Variants in MYCBP2 observed in about 807,000 individuals in gnomAD.
The protein encoded by MYCBP2 is E3 ubiquitin-protein ligase MYCBP2.
Under a neutral mutation model 525.3 loss-of-function variants are expected in MYCBP2, and 120 were observed. That is an observed-to-expected ratio of 0.23 (90% CI 0.20 to 0.27). MYCBP2 has a LOEUF of 0.27. Among genes scored for constraint, MYCBP2 ranks in the 10% least tolerant of loss-of-function variants. The pLI is 1.00. For missense variants in MYCBP2, 4,149 were observed against 5,657.1 expected, an observed-to-expected ratio of 0.73 and a Z score of 8.55; for synonymous variants, 1,894 against 1,955.8, an observed-to-expected ratio of 0.97 and a Z score of 0.83.
At chr13:77,069,797 G>A (rs2040853136) in intron 69 of MYCBP2, among the ~76,000 whole-genome samples, 1 of 151,770 alleles carries the variant, frequency 6.6e-6, no homozygotes, top group Admixed American at 6.6e-5. Flanking sequence ...GAACCCAGGA[G>A]GCGGAGCTTG....
chr13:77,223,744 C>G (rs2065897664), intron 20 of MYCBP2, among the ~76,000 whole-genome samples: 1 of 152,078 alleles, frequency 6.6e-6, no homozygotes, highest in Admixed American at 6.6e-5. Context: ...TTCCAGCCAG[C>G]AAGCTGGGAA....
chr13:77,302,049 C>G (rs547085302), intron 1 of MYCBP2, among the ~76,000 whole-genome samples: 2 of 151,756 alleles, frequency 1.3e-5, no homozygotes, highest in Non-Finnish European at 2.9e-5. Context: ...AAACAGAGAA[C>G]GAGACATGTG....
Position 77,081,940 on chromosome 13 carries a change from T to C in MYCBP2, c.11090A>G (p.Asn3697Ser), listed in dbSNP as rs1404710845. 1 of 1,613,552 alleles carries C rather than the reference T, an allele frequency of 6.2e-7. No individual in the cohort carries two copies. Residue 3697 changes from asparagine (N) to serine (S), a missense_variant, in exon 64 of 83, where the codon AAC (asparagine) becomes AGC (serine). This residue lies in a region of MYCBP2 where 509 missense variants were observed against 789.4 expected (regional missense o/e 0.64). Transcript: ENST00000544440. This position sits in a 1 kb window ranked among gnomAD's most constrained non-coding sequence, Gnocchi z 4.6. ...QSDHQFLHQS[N>S]VFHHINNILS... ...AATATTGTTAATGTGATGAAAGACG[T>C]TGCTCTGATGAAGGAACTGGTGATC...
Position 77,198,669 on chromosome 13 carries a change from C to T in MYCBP2, c.3844-4425G>A, listed in dbSNP as rs1042774278. On this transcript the variant is annotated intron_variant, in intron 26 of 82. Transcript: ENST00000544440. ...GATAATTTGTTGGCCCTTTTGGATA[C>T]GAATAGGTGTGGTAACATATGACTC... Among the ~76,000 whole-genome samples, 12 of 152,138 alleles carry T rather than the reference C, an allele frequency of 7.9e-5. 1 individual carries two copies. Among genetic ancestry groups the T allele is most frequent in the East Asian group, 1.9e-4 (1 of 5,202 alleles).
chr13:77,233,656 T>C (rs2067455783), intron 17 of MYCBP2, among the ~76,000 whole-genome samples: 1 of 152,038 alleles, frequency 6.6e-6, no homozygotes, highest in Non-Finnish European at 1.5e-5. Context: ...ATCTTTTCCA[T>C]TGAAACATAA....
At chr13:77,147,523 A>G (rs1334321599) in intron 47 of MYCBP2, among the ~76,000 whole-genome samples, 1 of 152,082 alleles carries the variant, frequency 6.6e-6, no homozygotes, top group Non-Finnish European at 1.5e-5. Context: ...CTCCTCCTGT[A>G]CTTACAGTAA....
At chr13:77,120,274 A>G (rs903364669) in intron 55 of MYCBP2, among the ~76,000 whole-genome samples, 1 of 152,194 alleles carries the variant, frequency 6.6e-6, no homozygotes, top group Non-Finnish European at 1.5e-5. Flanking sequence ...GAAATCAGGT[A>G]CCCGAAGTAA....
At chr13:77,270,937 C>G (rs748898205) in intron 5 of MYCBP2, among the ~76,000 whole-genome samples, 4 of 151,788 alleles carry the variant, frequency 2.6e-5, no homozygotes, top group Non-Finnish European at 5.9e-5. Flanking sequence ...TCCTCTTTAT[C>G]TTTCAGTTCA....
chr13:77,249,692 GC>G (rs2070779659), intron 15 of MYCBP2, among the ~76,000 whole-genome samples: 1 of 152,078 alleles, frequency 6.6e-6, no homozygotes, highest in Non-Finnish European at 1.5e-5. Context: ...ACTACACCCA[GC>G]TAACACTGAA....
At chr13:77,203,342 T>A (rs2062859556) in intron 26 of MYCBP2, among the ~76,000 whole-genome samples, 1 of 152,084 alleles carries the variant, frequency 6.6e-6, no homozygotes, top group Non-Finnish European at 1.5e-5. Flanking sequence ...TTACAAGGGA[T>A]GGGAAGGACC....
intron 26 of MYCBP2, among the ~76,000 whole-genome samples, chr13:77,197,907 A>T (rs1158982954): frequency 6.6e-6 from 1 of 152,228 alleles, no homozygotes; most frequent in Non-Finnish European, 1.5e-5. Flanking sequence ...TTTGAGTTTG[A>T]AAAAGAAAAA....
In MYCBP2 at chr13:77,231,078, T is replaced by C. The variant is rs115788844; in HGVS notation, c.2737+2078A>G. 5.3e-5 allele frequency among the ~76,000 whole-genome samples: 8 copies of C among 152,154 alleles called. No individual in the cohort carries two copies. In the East Asian group the frequency reaches 5.8e-4, roughly 11 times the overall value. ...TCTTCACAAAAAAATAGGGTACCAA[T>C]TGATAAATTATTATTTGCATTGTAA... On this transcript the variant is annotated intron_variant, in intron 18 of 82. Coordinates refer to ENST00000544440, the MANE Select transcript of MYCBP2 (RefSeq NM_015057.5).
chr13:77,260,369 TC>T (rs2073057608), intron 13 of MYCBP2, 58 bp downstream of exon 13: 1 of 1,192,132 alleles, frequency 8.4e-7, no homozygotes, highest in African/African-American at 1.6e-5. Context: ...TATGTCTTTG[TC>T]ATACATAACT....
At chr13:77,211,864 C>T (rs1185700355) in intron 22 of MYCBP2, 92 bp downstream of exon 22, 3 of 1,056,958 alleles carry the variant, frequency 2.8e-6, no homozygotes, top group Admixed American at 2.5e-5. Context: ...CAAAAAGCTA[C>T]AAAAGTACAT....
intron 47 of MYCBP2, among the ~76,000 whole-genome samples, chr13:77,150,328 G>T (rs1236204175): frequency 6.6e-6 from 1 of 152,126 alleles, no homozygotes; most frequent in Non-Finnish European, 1.5e-5. Context: ...TTTTTGTAGA[G>T]ATGGGGTCTC....
In MYCBP2 at chr13:77,124,335, C is replaced by A. The variant is rs945515381; in HGVS notation, c.8017+1001G>T. ...CTCCATCATTATTGCAAATTTCAAA[C>A]CTTTTCTGAATCCATATTTATGGCC... On this transcript the variant is annotated intron_variant, in intron 54 of 82. Coordinates refer to ENST00000544440, the MANE Select transcript of MYCBP2 (RefSeq NM_015057.5). Among the ~76,000 whole-genome samples, 17 of 152,220 alleles carry A rather than the reference C, an allele frequency of 1.1e-4. 1 individual carries two copies. Among genetic ancestry groups the A allele is most frequent in the Admixed American group, 8.5e-4 (13 of 15,290 alleles).
At chr13:77,134,926 C>T (rs956795839) in intron 52 of MYCBP2, among the ~76,000 whole-genome samples, 5 of 152,144 alleles carry the variant, frequency 3.3e-5, no homozygotes, top group South Asian at 2.1e-4. Flanking sequence ...GTAAACAAGA[C>T]AGCATGACAA....
chr13:77,111,484 G>C (rs1198102521), intron 55 of MYCBP2, among the ~76,000 whole-genome samples: 1 of 150,466 alleles, frequency 6.6e-6, no homozygotes, highest in South Asian at 2.1e-4. Flanking sequence ...TTTCGCCCAG[G>C]CTGCTCACTG....
chr13:77,218,089 T>A (rs2065069539), intron 20 of MYCBP2, 132 bp from the exon 21 acceptor site: 1 of 528,600 alleles, frequency 1.9e-6, no homozygotes, highest in Non-Finnish European at 3.3e-6. Flanking sequence ...AACATTTAAG[T>A]GCTAAACGCC....
Sources: gnomAD v4.1 joint callset for allele counts (sites outside exome capture counted in the v4.1 genomes callset) on GRCh38, gnomAD v4.1.1 for gene constraint, gnomAD v4.1.1 regional missense constraint, Gnocchi (gnomAD v3.1) non-coding constraint, MANE v1.5 for transcripts, NCBI Gene and HGNC (gene_info 2026-07-23, HGNC 2026-07-21) for gene names.